Variants in TTLL5 observed in about 807,000 individuals in gnomAD.
TTLL5 encodes the protein tubulin polyglutamylase TTLL5.
In TTLL5, 132 loss-of-function variants were observed where a neutral mutation model predicts 168.4. The observed-to-expected ratio is 0.78, with a 90% CI of 0.68 to 0.91. The LOEUF (loss-of-function observed/expected upper bound fraction) is 0.91. Among genes scored for constraint, TTLL5 ranks in the 40% least tolerant of loss-of-function variants. The pLI is 0.00. For synonymous variants in TTLL5, 546 were observed against 558.6 expected (o/e 0.98, Z 0.32); for missense variants, 1,545 against 1,581.5 (o/e 0.98, Z 0.39).
At chr14:75,810,160 G>A (rs1229762186) in intron 27 of TTLL5, among the ~76,000 whole-genome samples, 1 of 152,072 alleles carries the variant, frequency 6.6e-6, no homozygotes, top group Non-Finnish European at 1.5e-5. Flanking sequence ...ATATTAGTTT[G>A]AATTAGTGAA....
intron 15 of TTLL5, among the ~76,000 whole-genome samples, chr14:75,738,597 A>T (rs546220197): frequency 2.0e-4 from 30 of 152,342 alleles, no homozygotes; most frequent in Admixed American, 5.9e-4. Flanking sequence ...TATAATATGT[A>T]GTATTTTATA....
chr14:75,800,393 A>T (rs1034336943), intron 27 of TTLL5, among the ~76,000 whole-genome samples: 1 of 151,550 alleles, frequency 6.6e-6, no homozygotes, highest in African/African-American at 2.4e-5. Context: ...TTATTTTTTT[A>T]GTTTCTTTAA....
chr14:75,666,874 G>A (rs1288139603), intron 2 of TTLL5, among the ~76,000 whole-genome samples: 1 of 152,204 alleles, frequency 6.6e-6, no homozygotes, highest in African/African-American at 2.4e-5. Flanking sequence ...TCATAAAACT[G>A]ATCTGCTTCG....
intron 29 of TTLL5, among the ~76,000 whole-genome samples, chr14:75,871,349 T>G (rs890478290): frequency 1.2e-4 from 19 of 152,094 alleles, no homozygotes; most frequent in African/African-American, 4.6e-4. Context: ...TTCAAAGAGT[T>G]TGGGTAACTT....
At chr14:75,898,069 C>A (rs879701802) in intron 30 of TTLL5, among the ~76,000 whole-genome samples, 8 of 152,170 alleles carry the variant, frequency 5.3e-5, no homozygotes, top group Non-Finnish European at 1.2e-4. Context: ...TTCTATAACT[C>A]CAGTTTTTCT....
chr14:75,783,262 T>G lies in TTLL5; in HGVS notation c.2718T>G (p.Ser906=). ...PNTHLSSVTT[S]DLSPGPCHHS... ...CCCATTTGTCATCTGTTACAACCTC[T>G]GACCTCTCTCCAGGGCCTTGCCACC... Residue 906 remains serine (S), a synonymous_variant, in exon 26 of 32, where the codon TCT becomes TCG. Coordinates refer to ENST00000298832, the MANE Select transcript of TTLL5 (RefSeq NM_015072.5). 1 of 1,614,244 alleles carries G rather than the reference T, an allele frequency of 6.2e-7. No individual in the cohort carries two copies. The highest frequency in any genetic ancestry group is 8.5e-7 in the Non-Finnish European group (1 of 1,180,032).
At position 75,945,082 on chromosome 14, in the gene TTLL5, A is replaced by T. The variant is rs2034726826; in HGVS notation, c.3824-9342A>T. Among the ~76,000 whole-genome samples the T allele has an allele frequency of 8.6e-5, 13 of 151,992 alleles. No individual in the cohort carries two copies. In the South Asian group the frequency reaches 2.7e-3, roughly 32 times the overall value. On this transcript the variant is annotated intron_variant, in intron 31 of 31. Transcript: ENST00000298832. Reference sequence around the variant, plus strand: ...CAAGACGCCAGAAGTATGCCAGCATATAAAACCCCAAGTCAGAAGGTCAAA... The same window carrying T: ...CAAGACGCCAGAAGTATGCCAGCATTTAAAACCCCAAGTCAGAAGGTCAAA...
At chr14:75,779,761 C>A (rs1050221370) in intron 24 of TTLL5, 59 bp downstream of exon 24, 12 of 1,528,956 alleles carry the variant, frequency 7.8e-6, no homozygotes, top group East Asian at 6.9e-5. Flanking sequence ...ATGAGAAATG[C>A]AAAGGAGAAT....
intron 9 of TTLL5, chr14:75,709,238 A>G (rs758873479): frequency 2.8e-5 from 21 of 760,834 alleles, no homozygotes; most frequent in South Asian, 2.4e-4. Flanking sequence ...ATTTATGTAC[A>G]GGTGCTTTGA....
Position 75,690,629 on chromosome 14 carries a change from T to A in TTLL5, c.502+307T>A, listed in dbSNP as rs369862186. Among the ~76,000 whole-genome samples the A allele has an allele frequency of 5.5e-3, 825 of 151,304 alleles. 4 individuals are homozygous for A. The highest frequency in any genetic ancestry group is 0.011 in the East Asian group (57 of 5,114). On this transcript the variant is annotated intron_variant, in intron 6 of 31. Coordinates refer to ENST00000298832, the MANE Select transcript of TTLL5 (RefSeq NM_015072.5). Reference sequence around the variant, plus strand: ...ACTTAGTGCCTATGTAAGTATTATTTTTTTTTTTTTAAGAGACAGAGCCTC... The same window carrying A: ...ACTTAGTGCCTATGTAAGTATTATTATTTTTTTTTTAAGAGACAGAGCCTC...
chr14:75,867,796 G>A (rs1036057984), intron 29 of TTLL5, among the ~76,000 whole-genome samples: 9 of 151,720 alleles, frequency 5.9e-5, no homozygotes, highest in South Asian at 2.1e-4. Flanking sequence ...TTTCAGGATG[G>A]TTGTGGGAAG....
chr14:75,694,495 A>G (rs1266265484), intron 6 of TTLL5, among the ~76,000 whole-genome samples: 1 of 151,986 alleles, frequency 6.6e-6, no homozygotes, highest in East Asian at 1.9e-4. Context: ...CACCATGCCT[A>G]GCTAATTTTT....
intron 30 of TTLL5, among the ~76,000 whole-genome samples, chr14:75,888,180 G>T (rs2032212144): frequency 6.6e-6 from 1 of 152,202 alleles, no homozygotes; most frequent in Non-Finnish European, 1.5e-5. Flanking sequence ...GGTCTCTGGG[G>T]TTGCTTTTGG....
intron 30 of TTLL5, chr14:75,887,289 A>G (rs1423898897): frequency 2.0e-6 from 2 of 985,726 alleles, no homozygotes; most frequent in African/African-American, 1.7e-5. Context: ...GAAAATAAAC[A>G]CCGGCTTAAA....
chr14:75,845,370 G>A (rs935348959), intron 28 of TTLL5, among the ~76,000 whole-genome samples: 6 of 152,182 alleles, frequency 3.9e-5, no homozygotes, highest in Non-Finnish European at 5.9e-5. Context: ...GCTGTAGAAT[G>A]GCCCTAGGGG....
At chr14:75,918,301 T>C (rs978189035) in intron 31 of TTLL5, among the ~76,000 whole-genome samples, 2 of 152,298 alleles carry the variant, frequency 1.3e-5, no homozygotes, top group East Asian at 3.9e-4. Context: ...AGATCTGGGC[T>C]CTTTTATTGA....
chr14:75,808,314 T>A (rs1893776177), intron 27 of TTLL5, among the ~76,000 whole-genome samples: 1 of 152,182 alleles, frequency 6.6e-6, no homozygotes, highest in Non-Finnish European at 1.5e-5. Context: ...CTGCAGAGAT[T>A]CCCTGCTTTT....
At chr14:75,768,059 T>G (rs10873282) in intron 20 of TTLL5, among the ~76,000 whole-genome samples, 104,641 of 152,084 alleles carry the variant, frequency 0.69, 37,124 homozygotes, top group Admixed American at 0.78. Flanking sequence ...TGGACAGCTT[T>G]GTTGATCAAG....
At chr14:75,740,763 C>T (rs1566583425) in intron 15 of TTLL5, among the ~76,000 whole-genome samples, 1 of 152,070 alleles carries the variant, frequency 6.6e-6, no homozygotes, top group Non-Finnish European at 1.5e-5. Flanking sequence ...ATTCATTTTA[C>T]TTTTAAACTT....
Sources: allele counts gnomAD v4.1 joint callset (sites outside exome capture counted in the v4.1 genomes callset), GRCh38; gene constraint gnomAD v4.1.1; transcripts MANE v1.5; gene names NCBI Gene and HGNC (gene_info 2026-07-23, HGNC 2026-07-21).